The following SV2C variants were observed in gnomAD, a reference collection of about 807,000 sequenced individuals.
The protein encoded by SV2C is synaptic vesicle glycoprotein 2C.
A neutral mutation model predicts 79.7 loss-of-function variants in SV2C; 49 were observed. That is an observed-to-expected ratio of 0.61 (90% CI 0.49 to 0.78). The LOEUF is 0.78. Ranked by LOEUF, SV2C falls within the 30% of genes least tolerant of loss-of-function variation. The pLI, the probability that SV2C is intolerant of heterozygous loss-of-function variation, is 0.00. For synonymous variants in SV2C, 334 were observed against 333.2 expected, an observed-to-expected ratio of 1.00 and a Z score of -0.03; for missense variants, 833 against 912.9, an observed-to-expected ratio of 0.91 and a Z score of 1.13.
At chr5:75,987,713 T>C in the SV2C span, among the ~76,000 whole-genome samples, 81 of 152,166 alleles carry the variant, frequency 5.3e-4, no homozygotes, top group Non-Finnish European at 4.0e-4. Context: ...AGGTTTGTTG[T>C]TTTAAATGAT....
rs1748903984 is a variant in SV2C, at chr5:76,131,877, C to T, written c.127C>T (p.Gln43Ter). Residue 43 changes from glutamine (Q) to a stop codon, truncating the protein, a stop_gained, in exon 2 of 13, where the codon CAG becomes TAG. Transcript: ENST00000502798. LOFTEE classifies it high-confidence loss of function. The part of the protein sequence containing the change: ...AVDRAQDEYT[Q>*]RSYSRFQDEE... ...GGACCGAGCCCAGGATGAATACACC[C>T]AGAGGTCCTACAGTCGGTTCCAAGA... 1 of 1,613,896 alleles carries T rather than the reference C, an allele frequency of 6.2e-7. No homozygotes were observed. The highest frequency in any genetic ancestry group is 8.5e-7 in the Non-Finnish European group (1 of 1,179,994).
intron 1 of SV2C, among the ~76,000 whole-genome samples, chr5:76,113,119 A>G (rs191985289): frequency 8.5e-5 from 13 of 152,344 alleles, no homozygotes; most frequent in Non-Finnish European, 1.6e-4. Flanking sequence ...GCCTATACCT[A>G]TACGCATGGA....
the SV2C span, among the ~76,000 whole-genome samples, chr5:75,975,358 C>G: frequency 1.3e-5 from 2 of 152,140 alleles, no homozygotes; most frequent in Non-Finnish European, 2.9e-5. Context: ...AAAGGATGGA[C>G]TTGTAAATTA....
chr5:75,974,540 G>A, the SV2C span, among the ~76,000 whole-genome samples: 3 of 152,178 alleles, frequency 2.0e-5, no homozygotes, highest in South Asian at 6.2e-4. Context: ...TCCTCAGAGA[G>A]AACTCTCTCC....
chr5:76,149,751 T>C (rs1749544290), intron 2 of SV2C, among the ~76,000 whole-genome samples: 1 of 152,224 alleles, frequency 6.6e-6, no homozygotes, highest in Non-Finnish European at 1.5e-5. Context: ...TTGGCTTATT[T>C]ATGCTGGTCT....
chr5:76,119,079 A>G lies in SV2C; in HGVS notation c.-101-12571A>G, dbSNP rs1748387523. Among the ~76,000 whole-genome samples the G allele has an allele frequency of 3.3e-5, 5 of 152,250 alleles. No individual in the cohort carries two copies. The South Asian group carries it at 1.0e-3, about 32-fold the overall frequency. ...CCCATATGGGTATGCATCACCACAT[A>G]TTAATAACACTAAGGTGATATAAAC... On this transcript the variant is annotated intron_variant, in intron 1 of 12. Coordinates refer to ENST00000502798, the MANE Select transcript of SV2C (RefSeq NM_014979.4).
At chr5:75,916,431 C>T in the SV2C span, among the ~76,000 whole-genome samples, 1 of 147,960 alleles carries the variant, frequency 6.8e-6, no homozygotes, top group African/African-American at 2.5e-5. Flanking sequence ...CCTCTTCTTC[C>T]TCCCCTTCTC....
Position 76,325,762 on chromosome 5 carries a change from T to C in SV2C, c.*215T>C. 1.6e-6 allele frequency: 1 copy of C among 610,496 alleles called. No individual in the cohort carries two copies. The highest frequency in any genetic ancestry group is 2.6e-6 in the Non-Finnish European group (1 of 384,194). The allele number at this position is 610,496 out of a possible 1,614,324, so 37.8% of individuals were successfully genotyped here. On this transcript the variant is annotated 3_prime_UTR_variant, in exon 13 of 13. Coordinates refer to ENST00000502798, the MANE Select transcript of SV2C (RefSeq NM_014979.4). ...GTTTTGTTTTGTTTGAATGCATTGT[T>C]ATCTTTCCAAACTGTGATGCTACTG...
the SV2C span, among the ~76,000 whole-genome samples, chr5:75,899,337 A>C: frequency 6.6e-6 from 1 of 152,178 alleles, no homozygotes. Flanking sequence ...CCCAGTAGTC[A>C]TTCAGGAGCA....
intron 2 of SV2C, among the ~76,000 whole-genome samples, chr5:76,145,751 A>C (rs1193192361): frequency 6.6e-6 from 1 of 152,186 alleles, no homozygotes; most frequent in Non-Finnish European, 1.5e-5. Context: ...AAATTAAACC[A>C]AATCTACCCA....
chr5:75,954,844 G>A, the SV2C span, among the ~76,000 whole-genome samples: 1 of 142,986 alleles, frequency 7.0e-6, no homozygotes, highest in East Asian at 2.0e-4. Flanking sequence ...CAAGGGATGT[G>A]AAGGACCTCT....
At chr5:76,230,591 G>C (rs941339723) in intron 4 of SV2C, among the ~76,000 whole-genome samples, 1 of 151,452 alleles carries the variant, frequency 6.6e-6, no homozygotes. Flanking sequence ...AGGAGTTCGA[G>C]ACCAGCCTGG....
At chr5:76,244,110 A>G (rs1745875890) in intron 4 of SV2C, among the ~76,000 whole-genome samples, 1 of 152,172 alleles carries the variant, frequency 6.6e-6, no homozygotes. Context: ...CACACATTCA[A>G]TATGGCATCT....
chr5:76,148,637 A>G (rs1244918494), intron 2 of SV2C, among the ~76,000 whole-genome samples: 1 of 152,112 alleles, frequency 6.6e-6, no homozygotes, highest in Non-Finnish European at 1.5e-5. Context: ...AAATTTTTGT[A>G]GAGTCAGAGT....
chr5:75,934,927 AT>A, the SV2C span, among the ~76,000 whole-genome samples: 1 of 121,216 alleles, frequency 8.2e-6, no homozygotes, highest in Non-Finnish European at 1.8e-5. Context: ...TTTTTTCTCT[AT>A]TTTGTGCACT....
chr5:76,038,398 C>A, the SV2C span, among the ~76,000 whole-genome samples: 1 of 152,144 alleles, frequency 6.6e-6, no homozygotes, highest in Non-Finnish European at 1.5e-5. Context: ...CAGATCTTGG[C>A]CAGAATCCCA....
At chr5:75,894,371 C>A in the SV2C span, among the ~76,000 whole-genome samples, 2 of 152,148 alleles carry the variant, frequency 1.3e-5, no homozygotes, top group African/African-American at 4.8e-5. Context: ...TTTATAAAAT[C>A]ATGGACTTTG....
intron 1 of SV2C, among the ~76,000 whole-genome samples, chr5:76,128,303 T>C (rs1049055468): frequency 1.3e-5 from 2 of 152,222 alleles, no homozygotes; most frequent in African/African-American, 4.8e-5. Flanking sequence ...TTTAAAATTA[T>C]TACCCATATA....
intron 10 of SV2C, among the ~76,000 whole-genome samples, chr5:76,299,139 G>C (rs949114453): frequency 6.6e-5 from 10 of 152,334 alleles, no homozygotes; most frequent in African/African-American, 2.2e-4. Flanking sequence ...AAGTTCAAAA[G>C]TTGGCAACAA....
Sources: allele counts gnomAD v4.1 joint callset (sites outside exome capture counted in the v4.1 genomes callset), GRCh38; gene constraint gnomAD v4.1.1; transcripts MANE v1.5; gene names NCBI Gene and HGNC (gene_info 2026-07-23, HGNC 2026-07-21).